Variants in CALN1 observed in about 807,000 individuals in gnomAD.
CALN1 encodes the protein calneuron 1, also known as calcium-binding protein 8.
Under a neutral mutation model 30.6 loss-of-function variants are expected in CALN1, and 17 were observed. The observed-to-expected ratio is 0.56, with a 90% CI of 0.38 to 0.83. The LOEUF (loss-of-function observed/expected upper bound fraction) is 0.83. Among genes scored for constraint, CALN1 ranks in the 40% least tolerant of loss-of-function variants. The pLI, the probability that CALN1 is intolerant of heterozygous loss-of-function variation, is 0.00. For missense variants in CALN1, 291 were observed against 354.9 expected (o/e 0.82, Z 1.45); for synonymous variants, 156 against 131.4 (o/e 1.19, Z -1.28).
At chr7:71,829,733 C>T (rs1395931471) in intron 5 of CALN1, among the ~76,000 whole-genome samples, 1 of 152,162 alleles carries the variant, frequency 6.6e-6, no homozygotes, top group Admixed American at 6.5e-5. Flanking sequence ...CCACTCTATT[C>T]AATACCTGGG....
intron 3 of CALN1, among the ~76,000 whole-genome samples, chr7:72,247,181 C>T (rs1325537740): frequency 1.4e-5 from 2 of 141,260 alleles, no homozygotes; most frequent in African/African-American, 2.6e-5. Flanking sequence ...TCATGAACTT[C>T]GTGGGTCCTT....
chr7:72,100,291 C>T (rs933196497), intron 4 of CALN1, among the ~76,000 whole-genome samples: 13 of 151,982 alleles, frequency 8.6e-5, no homozygotes, highest in African/African-American at 2.9e-4. Flanking sequence ...CAACAATCCT[C>T]CTGCCTCAGC....
At chr7:72,128,024 T>C (rs557461261) in intron 3 of CALN1, among the ~76,000 whole-genome samples, 119 of 152,270 alleles carry the variant, frequency 7.8e-4, no homozygotes, top group Non-Finnish European at 6.6e-4. Flanking sequence ...CAGCAAAATG[T>C]TGAAAACTGT....
In CALN1 at chr7:72,271,575, A is replaced by AAAAAAAAAAAAAATATATATATATATAT; in HGVS notation, c.244+7110_244+7111insATATATATATATATATTTTTTTTTTTTT. Among the ~76,000 whole-genome samples the AAAAAAAAAAAAAATATATATATATATAT allele has an allele frequency of 2.5e-3, 128 of 52,036 alleles. 4 individuals are homozygous for AAAAAAAAAAAAAATATATATATATATAT. Among genetic ancestry groups the AAAAAAAAAAAAAATATATATATATATAT allele is most frequent in the African/African-American group, 0.012 (90 of 7,384 alleles). The allele number at this position is 52,036 out of a possible 152,430, so 34.1% of individuals were successfully genotyped here. A position where few individuals can be genotyped will look rare whatever the true frequency, so the allele number is the denominator to read the frequency against. On this transcript the variant is annotated intron_variant, in intron 3 of 6. Coordinates refer to ENST00000395275, the MANE Select transcript of CALN1 (RefSeq NM_031468.4). ...CTGTGCCTGCCTTTTAAAAAAAAAA[A>AAAAAAAAAAAAAATATATATATATATAT]ATATATATATATATATATAGTTTTC...
chr7:72,317,118 GAAAA>G (rs1800533936), intron 2 of CALN1, among the ~76,000 whole-genome samples: 1 of 75,982 alleles, frequency 1.3e-5, no homozygotes, highest in Admixed American at 1.8e-4. Context: ...GAGGGAGGGA[GAAAA>G]AGAAAGAAAG....
chr7:71,942,249 C>T (rs1562922973), intron 5 of CALN1: 8 of 194,650 alleles, frequency 4.1e-5, no homozygotes, highest in African/African-American at 2.4e-5. Flanking sequence ...CAGACCGCCA[C>T]GCCGCCGTCA....
intron 5 of CALN1, among the ~76,000 whole-genome samples, chr7:71,963,211 G>A (rs902707869): frequency 2.0e-5 from 3 of 152,120 alleles, no homozygotes; most frequent in African/African-American, 7.2e-5. Flanking sequence ...CACCCAGGCT[G>A]GAGTGCGGCG....
intron 5 of CALN1, among the ~76,000 whole-genome samples, chr7:71,995,827 A>T (rs941141643): frequency 1.3e-5 from 2 of 150,982 alleles, no homozygotes; most frequent in Non-Finnish European, 2.9e-5. Context: ...CAGAGATTGG[A>T]GGCAACAGTA....
chr7:72,199,194 G>T (rs1213811198), intron 3 of CALN1, among the ~76,000 whole-genome samples: 1 of 152,192 alleles, frequency 6.6e-6, no homozygotes, highest in Non-Finnish European at 1.5e-5. Context: ...AGAATTGTTT[G>T]AACCTGAGAG....
intron 3 of CALN1, among the ~76,000 whole-genome samples, chr7:72,273,317 G>T (rs186446669): frequency 0.014 from 2,064 of 151,146 alleles, 20 homozygotes; most frequent in South Asian, 0.037. Context: ...AGCTACTCAG[G>T]AGGCTGAGGC....
At chr7:72,142,728 T>G (rs909654693) in intron 3 of CALN1, among the ~76,000 whole-genome samples, 3 of 152,106 alleles carry the variant, frequency 2.0e-5, no homozygotes, top group Non-Finnish European at 4.4e-5. Flanking sequence ...CACCCCCCAG[T>G]AGGGGCAGAC....
At chr7:71,836,622 C>CTTTT (rs756689224) in intron 5 of CALN1, among the ~76,000 whole-genome samples, 1 of 132,624 alleles carries the variant, frequency 7.5e-6, no homozygotes, top group Non-Finnish European at 1.6e-5. Context: ...CTCTCTGTCT[C>CTTTT]TTTTTTTTTT....
chr7:72,499,843 T>G, the CALN1 span, among the ~76,000 whole-genome samples: 1 of 26,118 alleles, frequency 3.8e-5, no homozygotes, highest in African/African-American at 2.6e-4. Flanking sequence ...CTTTCTTTCT[T>G]TCTTTCTTTC....
At chr7:72,161,120 C>T (rs1788078521) in intron 3 of CALN1, among the ~76,000 whole-genome samples, 1 of 152,218 alleles carries the variant, frequency 6.6e-6, no homozygotes, top group South Asian at 2.1e-4. Context: ...GGAGCTTCAA[C>T]AGCCATTTTT....
intron 2 of CALN1, among the ~76,000 whole-genome samples, chr7:72,368,563 TAAG>T (rs1264905423): frequency 1.3e-5 from 2 of 151,362 alleles, no homozygotes; most frequent in African/African-American, 4.9e-5. Context: ...ACTCAAGAAA[TAAG>T]AAAAATCATC....
At chr7:71,942,289 C>A in intron 5 of CALN1, 2 of 202,758 alleles carry the variant, frequency 9.9e-6, no homozygotes. Flanking sequence ...GCCTATCAAG[C>A]TGGCCAGGGT....
At chr7:72,280,669 G>A (rs775865174) in intron 2 of CALN1, among the ~76,000 whole-genome samples, 9 of 152,140 alleles carry the variant, frequency 5.9e-5, no homozygotes, top group African/African-American at 1.2e-4. Context: ...ATTTGAGTAC[G>A]GACTGATACC....
chr7:72,002,566 G>T (rs1477343811), intron 5 of CALN1, among the ~76,000 whole-genome samples: 1 of 152,056 alleles, frequency 6.6e-6, no homozygotes, highest in Non-Finnish European at 1.5e-5. Context: ...AATAAAATAA[G>T]AAAAATAAAA....
upstream of CALN1, chr7:72,447,200 C>G: frequency 6.5e-6 from 1 of 153,128 alleles, no homozygotes; most frequent in South Asian, 2.1e-4. Flanking sequence ...TTTTTGGTAA[C>G]TGAGCAGATT....
Sources: allele counts gnomAD v4.1 joint callset (sites outside exome capture counted in the v4.1 genomes callset), GRCh38; gene constraint gnomAD v4.1.1; transcripts MANE v1.5; gene names NCBI Gene and HGNC (gene_info 2026-07-23, HGNC 2026-07-21).